The following TMEM131 variants were observed in gnomAD, a reference collection of about 807,000 sequenced individuals.
TMEM131 encodes the protein transmembrane protein 131.
TMEM131 carries 66 observed loss-of-function variants against 211.6 expected under a neutral mutation model. The observed-to-expected ratio is 0.31, with a 90% confidence interval of 0.26 to 0.38. The LOEUF (loss-of-function observed/expected upper bound fraction) is 0.38, where lower values mean the gene tolerates loss of function less well. Among genes scored for constraint, TMEM131 ranks in the 10% least tolerant of loss-of-function variants. TMEM131 has a pLI of 1.00. For synonymous variants in TMEM131, 844 were observed against 841.3 expected, an observed-to-expected ratio of 1.00 and a Z score of -0.06; for missense variants, 2,036 against 2,299.3, an observed-to-expected ratio of 0.89 and a Z score of 2.34.
intron 15 of TMEM131, among the ~76,000 whole-genome samples, chr2:97,813,366 C>T: frequency 6.6e-6 from 1 of 152,162 alleles, no homozygotes; most frequent in Middle Eastern, 3.2e-3. Context: ...TCTAGATGTC[C>T]TAGCTTTCTT....
At chr2:97,899,468 G>A (rs988942387) in intron 3 of TMEM131, among the ~76,000 whole-genome samples, 5 of 152,012 alleles carry the variant, frequency 3.3e-5, no homozygotes, top group African/African-American at 1.2e-4. Context: ...ATATAAGCAT[G>A]GCTCTTAAAT....
At chr2:97,781,186 G>A (rs111322071) in intron 31 of TMEM131, among the ~76,000 whole-genome samples, 1 of 152,150 alleles carries the variant, frequency 6.6e-6, no homozygotes, top group African/African-American at 2.4e-5. Context: ...AGCACCTAAG[G>A]GCAGGGATAA....
chr2:97,931,910 A>G (rs926458454), intron 1 of TMEM131, among the ~76,000 whole-genome samples: 3 of 152,202 alleles, frequency 2.0e-5, no homozygotes, highest in Non-Finnish European at 2.9e-5. Flanking sequence ...GGCTTCTCAG[A>G]GCAGCCCAGT....
intron 31 of TMEM131, among the ~76,000 whole-genome samples, chr2:97,792,065 T>C (rs1383929854): frequency 6.6e-6 from 1 of 152,224 alleles, no homozygotes; most frequent in African/African-American, 2.4e-5. Flanking sequence ...ATTTTACTCC[T>C]GTGCTCAAAA....
At chr2:97,803,636 CTG>C (rs1240147349) in intron 22 of TMEM131, among the ~76,000 whole-genome samples, 1 of 152,190 alleles carries the variant, frequency 6.6e-6, no homozygotes, top group Non-Finnish European at 1.5e-5. Flanking sequence ...CAGAAATCCT[CTG>C]TAACACACAC....
intron 3 of TMEM131, among the ~76,000 whole-genome samples, chr2:97,905,633 G>T (rs2104355995): frequency 6.6e-6 from 1 of 152,194 alleles, no homozygotes; most frequent in Admixed American, 6.5e-5. Context: ...CTTTTCTTTT[G>T]CAATGTCTAG....
intron 31 of TMEM131, among the ~76,000 whole-genome samples, chr2:97,782,544 G>A (rs1427415891): frequency 6.6e-6 from 1 of 151,510 alleles, no homozygotes; most frequent in Non-Finnish European, 1.5e-5. Flanking sequence ...TGAGAGAGAT[G>A]TTGAAATTAC....
intron 31 of TMEM131, among the ~76,000 whole-genome samples, chr2:97,792,028 T>C (rs1460696277): frequency 6.6e-6 from 1 of 152,174 alleles, no homozygotes; most frequent in Non-Finnish European, 1.5e-5. Flanking sequence ...GAAATCCTAA[T>C]TTGGAGTTAA....
chr2:97,994,089 A>C (rs1400200722), intron 1 of TMEM131, among the ~76,000 whole-genome samples: 2 of 152,216 alleles, frequency 1.3e-5, no homozygotes, highest in African/African-American at 2.4e-5. Context: ...AGTCCCACCC[A>C]AAAAATGTCC....
chr2:97,954,674 C>T (rs1027320903), intron 1 of TMEM131, among the ~76,000 whole-genome samples: 3 of 151,842 alleles, frequency 2.0e-5, no homozygotes, highest in Non-Finnish European at 2.9e-5. Context: ...GGCGTGGTGG[C>T]GTGCGCCTGT....
chr2:97,774,899 G>A (rs1007781720), intron 32 of TMEM131, among the ~76,000 whole-genome samples: 10 of 152,104 alleles, frequency 6.6e-5, no homozygotes, highest in African/African-American at 1.4e-4. Flanking sequence ...CCACGGTAAC[G>A]GTGAGGGAAT....
intron 1 of TMEM131, among the ~76,000 whole-genome samples, chr2:97,947,138 T>G (rs1279514387): frequency 1.3e-5 from 2 of 152,012 alleles, no homozygotes; most frequent in Non-Finnish European, 2.9e-5. Flanking sequence ...TACTTTCCAT[T>G]TAAGATTAGA....
chr2:97,798,333 C>T (rs554002345), intron 25 of TMEM131, among the ~76,000 whole-genome samples: 3 of 152,320 alleles, frequency 2.0e-5, no homozygotes, highest in East Asian at 1.9e-4. Context: ...GGGTTGTCAA[C>T]GCTTGGCTAT....
In TMEM131 at chr2:97,792,972, G is replaced by A; in HGVS notation, c.3558C>T (p.Leu1186=). The change falls in exon 31 of 41, where the codon CTC becomes CTT. Residue 1186 remains leucine (L), a synonymous_variant. Transcript: ENST00000186436. ...CCCTACTGTGACCGGGGTCACAGCT[G>A]AGTGTGTTCAAGCTGAAAAAGGGAC... The part of the protein sequence containing the change: ...GISSEGNLNT[L]SCDPGHSRGF... The A allele has an allele frequency of 6.4e-7, 1 of 1,574,098 alleles. No homozygotes were observed. The highest frequency in any genetic ancestry group is 8.6e-7 in the Non-Finnish European group (1 of 1,161,390).
chr2:97,859,318 A>C lies in TMEM131; in HGVS notation c.469T>G (p.Phe157Val). Residue 157 changes from phenylalanine to valine, a missense_variant, in exon 5 of 41, where the codon TTT becomes GTT. Physicochemically the swap from Phe to Val is conservative, Grantham distance 50. This residue lies in a region of TMEM131 where 277 missense variants were observed against 378.0 expected (regional missense o/e 0.73). Transcript: ENST00000186436. ...GAGAAACTTACCCTATTTTGAAAAA[A>C]TGATGCATGAAAATGTGATGTTGTA... ...SATTSHFHAS[F>V]FQNRKILPGG... is the part of the protein sequence containing the mutation. 1.3e-6 allele frequency: 2 copies of C among 1,595,336 alleles called. No individual in the cohort carries two copies. The highest frequency in any genetic ancestry group is 2.3e-5 in the South Asian group (2 of 86,222).
At chr2:97,979,129 A>G (rs777908614) in intron 1 of TMEM131, among the ~76,000 whole-genome samples, 24 of 152,342 alleles carry the variant, frequency 1.6e-4, no homozygotes, top group Non-Finnish European at 2.6e-4. Flanking sequence ...AGGTCTCAAC[A>G]GTGGGCTTAA....
chr2:97,830,132 T>TAAA (rs60531384), intron 11 of TMEM131, among the ~76,000 whole-genome samples: 1,467 of 72,238 alleles, frequency 0.02, 81 homozygotes, highest in African/African-American at 0.075. Context: ...CATTATCAGT[T>TAAA]AAAAAAAAAA....
At chr2:97,873,976 A>G (rs999302110) in intron 4 of TMEM131, among the ~76,000 whole-genome samples, 4 of 152,234 alleles carry the variant, frequency 2.6e-5, no homozygotes, top group Admixed American at 6.5e-5. Context: ...GAACTTTGAA[A>G]AAAAGGTTAG....
chr2:97,763,716 G>A (rs1288260763), intron 35 of TMEM131: 1 of 152,328 alleles, frequency 6.6e-6, no homozygotes, highest in Non-Finnish European at 1.5e-5. Context: ...GGAGCAGGCT[G>A]TGCTCCGTTT....
Sources: gnomAD v4.1 joint callset for allele counts (sites outside exome capture counted in the v4.1 genomes callset) on GRCh38, gnomAD v4.1.1 for gene constraint, gnomAD v4.1.1 regional missense constraint, MANE v1.5 for transcripts, NCBI Gene and HGNC (gene_info 2026-07-23, HGNC 2026-07-21) for gene names.